Variants in FAM53B observed in about 807,000 individuals in gnomAD.
The protein encoded by FAM53B is protein FAM53B.
Under a neutral mutation model 32.7 loss-of-function variants are expected in FAM53B, and 12 were observed. That is an observed-to-expected ratio of 0.37 (90% confidence interval 0.24 to 0.59). FAM53B has a LOEUF of 0.59. FAM53B is among the 20% of genes least tolerant of loss of function. The probability of loss-of-function intolerance (pLI) is 0.72; values close to 1 mark genes in which losing one functional copy is unlikely to be tolerated. For missense variants in FAM53B, 477 were observed against 577.7 expected (o/e 0.83, Z 1.79); for synonymous variants, 234 against 228.7 (o/e 1.02, Z -0.21).
chr10:124,676,829 T>C (rs564284418), intron 4 of FAM53B, among the ~76,000 whole-genome samples: 1 of 152,254 alleles, frequency 6.6e-6, no homozygotes, highest in African/African-American at 2.4e-5. Context: ...CTCTCATGCT[T>C]CTTTTCTACC....
At chr10:124,680,292 A>C (rs1949761379) in intron 4 of FAM53B, among the ~76,000 whole-genome samples, 1 of 152,214 alleles carries the variant, frequency 6.6e-6, no homozygotes, top group African/African-American at 2.4e-5. Flanking sequence ...GGGGAGGCAC[A>C]AGCATACCAC....
At position 124,707,055 on chromosome 10, in the gene FAM53B, C is replaced by A. The variant is rs147598829; in HGVS notation, c.-174-168G>T. Among the ~76,000 whole-genome samples the A allele has an allele frequency of 7.2e-5, 11 of 152,268 alleles. No homozygotes were observed. In the East Asian group the frequency reaches 2.1e-3, roughly 29 times the overall value. On this transcript the variant is annotated intron_variant, in intron 1 of 4. Transcript: ENST00000337318. ...AGGCCCAGAGTTACCTTCTCAGAGT[C>A]CCCCCGCCCACCCCTGCCATGCCAG... is the stretch of plus-strand genomic sequence containing the variant.
intron 4 of FAM53B, among the ~76,000 whole-genome samples, chr10:124,655,417 T>G (rs1235236367): frequency 6.6e-6 from 1 of 152,032 alleles, no homozygotes; most frequent in Non-Finnish European, 1.5e-5. Context: ...TCCTTGAACT[T>G]GCTACCTCCT....
intron 1 of FAM53B, among the ~76,000 whole-genome samples, chr10:124,721,696 C>T (rs1292089406): frequency 1.3e-5 from 2 of 152,200 alleles, no homozygotes; most frequent in Non-Finnish European, 2.9e-5. Context: ...ACAAGTCAAC[C>T]TCTAGAGAGA....
intron 1 of FAM53B, among the ~76,000 whole-genome samples, chr10:124,707,398 G>A (rs1310828357): frequency 6.6e-6 from 1 of 152,158 alleles, no homozygotes; most frequent in African/African-American, 2.4e-5. Flanking sequence ...TCTCCAACCA[G>A]TTATGAACAG....
At chr10:124,688,015 A>G (rs1273224183) in intron 3 of FAM53B, among the ~76,000 whole-genome samples, 1 of 152,186 alleles carries the variant, frequency 6.6e-6, no homozygotes, top group Non-Finnish European at 1.5e-5. Context: ...AAGTATGGAG[A>G]AGGATCACTT....
At chr10:124,691,620 G>A (rs895867150) in intron 3 of FAM53B, among the ~76,000 whole-genome samples, 4 of 152,192 alleles carry the variant, frequency 2.6e-5, no homozygotes, top group African/African-American at 7.2e-5. Flanking sequence ...TCTCCTCCTC[G>A]CCTGAGTGCT....
intron 1 of FAM53B, among the ~76,000 whole-genome samples, chr10:124,740,751 G>A (rs2134107287): frequency 6.6e-6 from 1 of 152,308 alleles, no homozygotes; most frequent in East Asian, 1.9e-4. Context: ...TGACATTTCA[G>A]AAAGGAGTTG....
chr10:124,712,459 G>A (rs1350202988), intron 1 of FAM53B, among the ~76,000 whole-genome samples: 2 of 152,118 alleles, frequency 1.3e-5, no homozygotes, highest in Non-Finnish European at 2.9e-5. Flanking sequence ...AAAAAAGCTC[G>A]GCACAGAGAA....
intron 4 of FAM53B, among the ~76,000 whole-genome samples, chr10:124,665,610 C>G (rs917134943): frequency 4.6e-5 from 7 of 152,206 alleles, no homozygotes; most frequent in African/African-American, 1.7e-4. Flanking sequence ...CTGGCAACTG[C>G]TATTATGGAT....
intron 1 of FAM53B, among the ~76,000 whole-genome samples, chr10:124,730,509 G>A (rs1363898458): frequency 6.6e-6 from 1 of 152,166 alleles, no homozygotes. Context: ...TCTGTGTTTT[G>A]GGAGCAGGAA....
intron 4 of FAM53B, among the ~76,000 whole-genome samples, chr10:124,646,264 C>A (rs1040437957): frequency 1.2e-4 from 18 of 152,328 alleles, no homozygotes; most frequent in Admixed American, 1.2e-3. Context: ...GAGTGCAGCT[C>A]GCTTTCTTTA....
intron 4 of FAM53B, among the ~76,000 whole-genome samples, chr10:124,654,450 G>A (rs900402495): frequency 3.3e-5 from 5 of 152,108 alleles, no homozygotes; most frequent in African/African-American, 1.2e-4. Context: ...TCCCAGGGAG[G>A]TGGTGTTTGG....
At chr10:124,705,897 T>G (rs1011045908) in intron 2 of FAM53B, among the ~76,000 whole-genome samples, 2 of 152,206 alleles carry the variant, frequency 1.3e-5, no homozygotes, top group African/African-American at 4.8e-5. Context: ...CCTGGGCAGT[T>G]GGCCCCTTCC....
At chr10:124,739,904 A>G in intron 1 of FAM53B, among the ~76,000 whole-genome samples, 1 of 152,190 alleles carries the variant, frequency 6.6e-6, no homozygotes, top group East Asian at 1.9e-4. Flanking sequence ...GGCTGCTTTC[A>G]GATCCACCCA....
chr10:124,737,780 G>C (rs1213509023), intron 1 of FAM53B, among the ~76,000 whole-genome samples: 1 of 152,116 alleles, frequency 6.6e-6, no homozygotes. Flanking sequence ...GGGTGAAAAA[G>C]ACTCACCACT....
At chr10:124,691,737 C>T (rs999423915) in intron 3 of FAM53B, among the ~76,000 whole-genome samples, 6 of 152,160 alleles carry the variant, frequency 3.9e-5, no homozygotes, top group Admixed American at 1.3e-4. Flanking sequence ...TCCACTTGCC[C>T]TGTTTCACCA....
intron 1 of FAM53B, among the ~76,000 whole-genome samples, chr10:124,726,392 G>A (rs1444314949): frequency 6.6e-6 from 1 of 152,174 alleles, no homozygotes; most frequent in Admixed American, 6.5e-5. Flanking sequence ...AAGGAGAACA[G>A]TGGCATCGTC....
chr10:124,694,122 G>A (rs1189651915), intron 3 of FAM53B, among the ~76,000 whole-genome samples: 1 of 152,184 alleles, frequency 6.6e-6, no homozygotes, highest in Non-Finnish European at 1.5e-5. Flanking sequence ...ACGGCTCCCC[G>A]CTTCTCCCTC....
Sources: allele counts gnomAD v4.1 joint callset (sites outside exome capture counted in the v4.1 genomes callset), GRCh38; gene constraint gnomAD v4.1.1; transcripts MANE v1.5; gene names NCBI Gene and HGNC (gene_info 2026-07-23, HGNC 2026-07-21).